COPZ1: variants seen among roughly 807,000 people sequenced by gnomAD.
COPZ1 encodes the protein coatomer subunit zeta-1.
COPZ1 carries 4 observed loss-of-function variants against 31.7 expected under a neutral mutation model. The observed-to-expected ratio is 0.13, with a 90% CI of 0.06 to 0.29. The LOEUF (loss-of-function observed/expected upper bound fraction) is 0.29. COPZ1 is among the 10% of genes least tolerant of loss of function. The pLI is 1.00. For missense variants in COPZ1, 156 were observed against 211.5 expected, an observed-to-expected ratio of 0.74 and a Z score of 1.63; for synonymous variants, 74 against 79.0, an observed-to-expected ratio of 0.94 and a Z score of 0.33.
At position 54,325,137 on chromosome 12, in the gene COPZ1, C is replaced by T. The variant is rs1319778868; in HGVS notation, c.-27C>T. ...CAGCGGCGGCGTTTCTTTTGCGGCT[C>T]CACGTCGGCACCAGCTGCGGGGCAA... is the stretch of plus-strand genomic sequence containing the variant. On this transcript the variant is annotated 5_prime_UTR_variant, in exon 1 of 9. Coordinates refer to ENST00000262061, the MANE Select transcript of COPZ1 (RefSeq NM_016057.3). 4.5e-6 allele frequency: 7 copies of T among 1,560,500 alleles called. No homozygotes were observed. The highest frequency in any genetic ancestry group is 4.8e-5 in the East Asian group (2 of 41,494).
chr12:54,327,778 T>TA (rs1208071523), intron 1 of COPZ1, among the ~76,000 whole-genome samples: 1 of 151,974 alleles, frequency 6.6e-6, no homozygotes, highest in Non-Finnish European at 1.5e-5. Context: ...AAAATAAGAA[T>TA]AAAAAACCTC....
intron 1 of COPZ1, chr12:54,337,375 C>G (rs1953891916): frequency 3.1e-5 from 16 of 509,972 alleles, no homozygotes; most frequent in South Asian, 2.3e-4. Flanking sequence ...TTCAGTGTGG[C>G]CCTAAGCTGA....
At chr12:54,343,128 A>G (rs1592207575) in intron 3 of COPZ1, 97 bp from the exon 4 acceptor site, 2 of 938,228 alleles carry the variant, frequency 2.1e-6, no homozygotes, top group Non-Finnish European at 3.5e-6. Flanking sequence ...AGGTGCTGGG[A>G]TTACAGGCAT....
intron 5 of COPZ1, among the ~76,000 whole-genome samples, chr12:54,346,336 C>T (rs543073022): frequency 2.1e-4 from 32 of 149,000 alleles, no homozygotes; most frequent in Non-Finnish European, 4.1e-4. Flanking sequence ...GGCGTGATCT[C>T]GGCTCACTGC....
At chr12:54,346,037 C>A (rs1183616958) in intron 5 of COPZ1, among the ~76,000 whole-genome samples, 1 of 151,770 alleles carries the variant, frequency 6.6e-6, no homozygotes, top group East Asian at 1.9e-4. Flanking sequence ...GTATGTCCCT[C>A]CCATAGAATA....
intron 1 of COPZ1, chr12:54,340,245 T>C: frequency 2.2e-6 from 1 of 447,746 alleles, no homozygotes; most frequent in Non-Finnish European, 3.9e-6. Flanking sequence ...GGAAAATAAC[T>C]GTACCATAAT....
At chr12:54,341,255 T>G (rs1185304783) in intron 2 of COPZ1, among the ~76,000 whole-genome samples, 1 of 152,184 alleles carries the variant, frequency 6.6e-6, no homozygotes, top group African/African-American at 2.4e-5. Flanking sequence ...GAGAATTGTC[T>G]TGCAGTTCCA....
chr12:54,340,357 C>T (rs1460312144), intron 1 of COPZ1, 190 bp from the exon 2 acceptor site: 1 of 837,076 alleles, frequency 1.2e-6, no homozygotes, highest in Non-Finnish European at 1.7e-6. Flanking sequence ...AATGCTTTCT[C>T]TGTCAATTCA....
intron 1 of COPZ1, among the ~76,000 whole-genome samples, chr12:54,332,903 G>C (rs139116872): frequency 6.6e-6 from 1 of 151,982 alleles, no homozygotes; most frequent in East Asian, 1.9e-4. Flanking sequence ...GAGTAGAGGG[G>C]GTGGTTTACA....
intron 4 of COPZ1, among the ~76,000 whole-genome samples, chr12:54,344,302 A>G (rs1267340865): frequency 6.6e-6 from 1 of 151,294 alleles, no homozygotes; most frequent in Non-Finnish European, 1.5e-5. Flanking sequence ...AATACAGGCC[A>G]GGCATGGTGG....
intron 1 of COPZ1, among the ~76,000 whole-genome samples, chr12:54,336,888 G>T (rs966515522): frequency 6.6e-6 from 1 of 151,902 alleles, no homozygotes; most frequent in Non-Finnish European, 1.5e-5. Flanking sequence ...TGGGCATGGG[G>T]GTGTGTGCCT....
intron 1 of COPZ1, among the ~76,000 whole-genome samples, chr12:54,339,980 C>CGCGT (rs1555153933): frequency 7.0e-6 from 1 of 142,066 alleles, no homozygotes; most frequent in African/African-American, 2.6e-5. Context: ...TGTGCCTGTG[C>CGCGT]GTGTGTGTGT....
At chr12:54,325,257 A>T in intron 1 of COPZ1, 76 bp downstream of exon 1, 2 of 1,509,368 alleles carry the variant, frequency 1.3e-6, no homozygotes, top group Non-Finnish European at 1.8e-6. Context: ...CGAGTGGGAG[A>T]CGGGGAAAGA....
intron 1 of COPZ1, 47 bp downstream of exon 1, chr12:54,325,228 C>G: frequency 1.9e-6 from 3 of 1,546,366 alleles, no homozygotes; most frequent in Non-Finnish European, 2.6e-6. Context: ...CCACAGGGGC[C>G]GGGAGTCAGG....
At position 54,342,143 on chromosome 12, in the gene COPZ1, G is replaced by T. The variant is rs1953982637; in HGVS notation, c.88-63G>T. The T allele has an allele frequency of 7.7e-6, 9 of 1,174,612 alleles. No individual in the cohort carries two copies. The East Asian group carries it at 2.1e-4, about 27-fold the overall frequency. The allele number at this position is 1,174,612 out of a possible 1,614,324, so 72.8% of individuals were successfully genotyped here. A position where few individuals can be genotyped will look rare whatever the true frequency, so the allele number is the denominator to read the frequency against. The stretch of plus-strand genomic sequence containing the variant: ...ATCCAAGATCCCAGGGCAAAACATA[G>T]TCACTAATCATTCTGGCTTCCAGCT... On this transcript the variant is annotated intron_variant, in intron 2 of 8. Transcript: ENST00000262061.
chr12:54,334,379 C>T (rs1235446055), intron 1 of COPZ1, among the ~76,000 whole-genome samples: 1 of 151,940 alleles, frequency 6.6e-6, no homozygotes, highest in East Asian at 1.9e-4. Context: ...CAAGATCACG[C>T]CACTGCACTT....
intron 4 of COPZ1, among the ~76,000 whole-genome samples, chr12:54,344,219 G>A (rs1222072420): frequency 1.3e-5 from 2 of 152,316 alleles, no homozygotes. Flanking sequence ...GGGAGGCCAA[G>A]GTGGGCGGAT....
chr12:54,349,806 C>T, intron 8 of COPZ1, 148 bp downstream of exon 8: 3 of 768,408 alleles, frequency 3.9e-6, no homozygotes, highest in South Asian at 2.9e-5. Context: ...AACTGGGACT[C>T]ATACAGCCAG....
intron 1 of COPZ1, among the ~76,000 whole-genome samples, chr12:54,328,668 T>C (rs944971069): frequency 2.6e-5 from 4 of 152,222 alleles, no homozygotes; most frequent in Non-Finnish European, 5.9e-5. Flanking sequence ...TTCTTCCTTA[T>C]TCTTTTGCTT....
Sources: allele counts gnomAD v4.1 joint callset (sites outside exome capture counted in the v4.1 genomes callset), GRCh38; gene constraint gnomAD v4.1.1; transcripts MANE v1.5; gene names NCBI Gene and HGNC (gene_info 2026-07-23, HGNC 2026-07-21).